SPCS2: variants seen among roughly 807,000 people sequenced by gnomAD.
SPCS2 encodes the protein signal peptidase complex subunit 2, also known as SPase 25 kDa subunit.
Under a neutral mutation model 22.3 loss-of-function variants are expected in SPCS2, and 3 were observed. That is an observed-to-expected ratio of 0.13 (90% CI 0.06 to 0.35). The LOEUF is 0.35. SPCS2 is among the 10% of genes least tolerant of loss of function. SPCS2 has a pLI of 1.00. For synonymous variants in SPCS2, 67 were observed against 97.2 expected (o/e 0.69, Z 1.83); for missense variants, 169 against 280.9 (o/e 0.60, Z 2.85).
At chr11:74,965,280 G>A (rs1440307068) in intron 2 of SPCS2, 163 bp downstream of exon 2, 1 of 542,412 alleles carries the variant, frequency 1.8e-6, no homozygotes, top group Non-Finnish European at 3.2e-6. Flanking sequence ...CAGAGGAAGT[G>A]TGTTGAAATA....
chr11:74,966,304 T>C (rs1049112527), intron 3 of SPCS2, among the ~76,000 whole-genome samples: 1 of 152,196 alleles, frequency 6.6e-6, no homozygotes, highest in African/African-American at 2.4e-5. Context: ...AAGGATCTGA[T>C]TTTGGAGACT....
intron 1 of SPCS2, chr11:74,963,622 C>T (rs1220990300): frequency 2.3e-6 from 1 of 439,536 alleles, no homozygotes; most frequent in East Asian, 7.4e-5. Flanking sequence ...ATTGCCCAGG[C>T]TGGACTCGAG....
chr11:74,962,733 C>G (rs1038873093), intron 1 of SPCS2, among the ~76,000 whole-genome samples: 83 of 152,288 alleles, frequency 5.5e-4, no homozygotes, highest in African/African-American at 1.9e-3. Context: ...AGAGACATTA[C>G]TTGCTTCGAA....
chr11:74,967,551 G>T (rs892736725), intron 3 of SPCS2, among the ~76,000 whole-genome samples: 2 of 152,108 alleles, frequency 1.3e-5, no homozygotes, highest in Non-Finnish European at 2.9e-5. Context: ...AGAGTTCAAG[G>T]CCAGCCTGAG....
rs148193377 is a variant in SPCS2 at position 74,968,875 on chromosome 11, G to C, written c.360-690G>C. On this transcript the variant is annotated intron_variant, in intron 3 of 4. Transcript: ENST00000263672. ...TGGGGTCTCCCATTGTTCCTTGTTG[G>C]CCAGGCTGGTTTCAAACTCCAGGTC... is the stretch of plus-strand genomic sequence containing the variant. Among the ~76,000 whole-genome samples the C allele has an allele frequency of 5.1e-4, 78 of 152,022 alleles. 1 individual carries two copies. Among genetic ancestry groups the C allele is most frequent in the Non-Finnish European group, 9.7e-4 (66 of 67,972 alleles).
intron 1 of SPCS2, among the ~76,000 whole-genome samples, chr11:74,955,849 A>ATATATATATATATAT (rs1214195302): frequency 5.5e-5 from 2 of 36,212 alleles, no homozygotes; most frequent in African/African-American, 1.5e-4. Flanking sequence ...ATTACTAATT[A>ATATATATATATATAT]AAATATATAT....
chr11:74,949,596 A>G (rs544182400), intron 1 of SPCS2, 197 bp downstream of exon 1: 2 of 640,952 alleles, frequency 3.1e-6, no homozygotes, highest in African/African-American at 1.8e-5. Flanking sequence ...GGTCCTCTTT[A>G]GAACTTCTTC....
In SPCS2 at chr11:74,977,049, T is replaced by C. The variant is rs772998215; in HGVS notation, c.*6T>C. 133 of 1,443,454 alleles carry C rather than the reference T, an allele frequency of 9.2e-5. No homozygotes were observed. The highest frequency in any genetic ancestry group is 5.9e-4 in the Middle Eastern group (3 of 5,100). The allele number at this position is 1,443,454 out of a possible 1,614,324, so 89.4% of individuals were successfully genotyped here. ...TAGAAAGAAAAATAAAGTAGCCAAT[T>C]CTAAAAGTAGCCCTCTTTCTCCTGG... is the stretch of plus-strand genomic sequence containing the variant. On this transcript the variant is annotated 3_prime_UTR_variant, in exon 5 of 5. Coordinates refer to ENST00000263672, the MANE Select transcript of SPCS2 (RefSeq NM_014752.3).
At chr11:74,953,476 C>T (rs897111085) in intron 1 of SPCS2, among the ~76,000 whole-genome samples, 4 of 152,170 alleles carry the variant, frequency 2.6e-5, no homozygotes, top group Admixed American at 2.0e-4. Context: ...TACAAGCGTG[C>T]GCCACCACAC....
chr11:74,955,059 GA>G (rs145962593), intron 1 of SPCS2, among the ~76,000 whole-genome samples: 4,700 of 151,660 alleles, frequency 0.031, 85 homozygotes, highest in Middle Eastern at 0.037. Context: ...AATAAAGGGG[GA>G]AAAAAAAGGA....
chr11:74,972,173 C>G (rs1302558739), intron 4 of SPCS2, among the ~76,000 whole-genome samples: 3 of 152,094 alleles, frequency 2.0e-5, no homozygotes, highest in Non-Finnish European at 4.4e-5. Flanking sequence ...TCAAGTGATT[C>G]TCCTGCCTCA....
intron 1 of SPCS2, among the ~76,000 whole-genome samples, chr11:74,950,672 G>A (rs1262983208): frequency 6.6e-6 from 1 of 152,124 alleles, no homozygotes; most frequent in African/African-American, 2.4e-5. Context: ...GAGTAGCTGG[G>A]ACTGCAAATG....
intron 1 of SPCS2, among the ~76,000 whole-genome samples, chr11:74,964,473 T>A (rs182576760): frequency 1.3e-5 from 2 of 152,348 alleles, no homozygotes; most frequent in African/African-American, 4.8e-5. Context: ...AATTGCTATC[T>A]TAAAGTTAAG....
rs1944271771 is a variant in SPCS2, at chr11:74,978,144, T to A, written c.*1101T>A. On this transcript the variant is annotated 3_prime_UTR_variant, in exon 5 of 5. Coordinates refer to ENST00000263672, the MANE Select transcript of SPCS2 (RefSeq NM_014752.3). ...AGCCGCTTTTCCAGTATTTTCCCAG[T>A]ATGGTCAGAGAAGACCTGGGTGCTT... 6.6e-6 allele frequency: 1 copy of A among 152,214 alleles called. No homozygotes were observed. Among genetic ancestry groups the A allele is most frequent in the Non-Finnish European group, 1.5e-5 (1 of 68,032 alleles). 9.4% of individuals were successfully genotyped at this position (152,214 alleles called of 1,614,324 possible). A position where few individuals can be genotyped will look rare whatever the true frequency, so the allele number is the denominator to read the frequency against.
intron 1 of SPCS2, among the ~76,000 whole-genome samples, chr11:74,960,718 C>G (rs1226327320): frequency 6.6e-6 from 1 of 152,046 alleles, no homozygotes; most frequent in Non-Finnish European, 1.5e-5. Flanking sequence ...TGCCTTTCAC[C>G]TTTGGCAGGT....
intron 1 of SPCS2, among the ~76,000 whole-genome samples, chr11:74,949,838 C>CT (rs1948341691): frequency 6.6e-6 from 1 of 152,144 alleles, no homozygotes; most frequent in Non-Finnish European, 1.5e-5. Context: ...GCTTCTTGTC[C>CT]TTTTGCTTAC....
intron 4 of SPCS2, among the ~76,000 whole-genome samples, chr11:74,971,391 C>T (rs1481311616): frequency 6.6e-6 from 1 of 152,180 alleles, no homozygotes; most frequent in Admixed American, 6.5e-5. Context: ...GTATGGTATG[C>T]TAACTCTCTT....
chr11:74,976,803 T>C, intron 4 of SPCS2, 54 bp from the exon 5 acceptor site: 2 of 1,607,420 alleles, frequency 1.2e-6, no homozygotes, highest in Non-Finnish European at 1.7e-6. Flanking sequence ...GTATTGTTAC[T>C]GGTTGAATCT....
intron 1 of SPCS2, among the ~76,000 whole-genome samples, chr11:74,961,152 C>CATATAATACATAA (rs1253897962): frequency 6.6e-6 from 1 of 152,004 alleles, no homozygotes; most frequent in Non-Finnish European, 1.5e-5. Context: ...AACCATGATG[C>CATATAATACATAA]AGTGTATTAT....
Sources: gnomAD v4.1 joint callset for allele counts (sites outside exome capture counted in the v4.1 genomes callset) on GRCh38, gnomAD v4.1.1 for gene constraint, MANE v1.5 for transcripts, NCBI Gene and HGNC (gene_info 2026-07-23, HGNC 2026-07-21) for gene names.